Variants in MYO15A observed in about 807,000 individuals in gnomAD.
MYO15A encodes the protein myosin XVA.
In MYO15A, 308 loss-of-function variants were observed where a neutral mutation model predicts 394.6. The ratio of observed to expected loss-of-function variants is 0.78; its 90% CI spans 0.71 to 0.86. The LOEUF (loss-of-function observed/expected upper bound fraction) is 0.86, where lower values mean the gene tolerates loss of function less well. Ranked by LOEUF, MYO15A falls within the 40% of genes least tolerant of loss-of-function variation. MYO15A has a pLI of 0.00. For missense variants in MYO15A, 4,606 were observed against 4,799.1 expected (o/e 0.96, Z 1.19); for synonymous variants, 1,957 against 2,003.8 (o/e 0.98, Z 0.62).
rs755255324 is a variant in MYO15A at position 18,159,271 on chromosome 17, A to G, written c.9157-4A>G. On this transcript the variant is annotated splice_region_variant and splice_polypyrimidine_tract_variant and intron_variant, in intron 53 of 65. Coordinates refer to ENST00000647165, the MANE Select transcript of MYO15A (RefSeq NM_016239.4). ...CATCATGACACAGCCCTCTTCCCCC[A>G]CAGACTCCCCTCCAGGAATCCCTCA... The G allele has an allele frequency of 6.2e-7, 1 of 1,613,832 alleles. No individual in the cohort carries two copies. The highest frequency in any genetic ancestry group is 8.5e-7 in the Non-Finnish European group (1 of 1,179,950).
intron 24 of MYO15A, 34 bp downstream of exon 24, chr17:18,142,288 C>A (rs377623749): frequency 3.1e-6 from 5 of 1,602,616 alleles, no homozygotes; most frequent in Non-Finnish European, 4.3e-6. Context: ...TCCTAGGAGA[C>A]CTATGGTCAG....
chr17:18,146,100 C>T lies in MYO15A; in HGVS notation c.6502C>T (p.Leu2168Phe), dbSNP rs2046475800. 6.2e-7 allele frequency: 1 copy of T among 1,613,840 alleles called. No homozygotes were observed. The highest frequency in any genetic ancestry group is 2.2e-5 in the East Asian group (1 of 44,882). The part of the protein sequence containing the change: ...FAPSPCFNKY[L>F]LKFVSDYGRN... ...ACCTTCCCCGTGCTTCAACAAGTAC[C>T]TTCTCAAGTGAGTGGGACTGGATAG... Residue 2168 changes from leucine (L) to phenylalanine (F), a missense_variant, in exon 30 of 66, where the codon CTT becomes TTT. Physicochemically the swap from Leu to Phe is conservative, Grantham distance 22. Transcript: ENST00000647165.
chr17:18,170,611 T>C (rs1375013332), intron 62 of MYO15A, among the ~76,000 whole-genome samples: 2 of 151,946 alleles, frequency 1.3e-5, no homozygotes, highest in Non-Finnish European at 2.9e-5. Context: ...CCTCCCTCCT[T>C]AGCCTCCCAA....
At chr17:18,133,458 T>C in intron 12 of MYO15A, 72 bp downstream of exon 12, 1 of 1,580,824 alleles carries the variant, frequency 6.3e-7, no homozygotes, top group Non-Finnish European at 8.6e-7. Flanking sequence ...AGGCCTTCTC[T>C]GTTTCCCTTT....
At chr17:18,155,994 A>G (rs2046668218) in intron 47 of MYO15A, 2 of 697,386 alleles carry the variant, frequency 2.9e-6, no homozygotes, top group South Asian at 3.5e-5. Context: ...TGTCAGCCCA[A>G]AGGGTGGTAG....
chr17:18,158,575 T>G lies in MYO15A; in HGVS notation c.9020T>G (p.Leu3007Arg). The G allele has an allele frequency of 6.2e-7, 1 of 1,614,098 alleles. No individual in the cohort carries two copies. ...GACCATGGGGAGGACGCCCTGGCGCTCCCACCCTACACAATGCTCGAGTTT... is the reference window on the plus strand; with the variant it reads ...GACCATGGGGAGGACGCCCTGGCGCGCCCACCCTACACAATGCTCGAGTTT... Reference protein sequence around the residue: ...SADHGEDALALPPYTMLEFAQ... With the variant: ...SADHGEDALARPPYTMLEFAQ... The change falls in exon 52 of 66, where the codon CTC (leucine) becomes CGC (arginine). Residue 3007 changes from leucine (L) to arginine (R), a missense_variant. This residue lies in a region of MYO15A where 2,776 missense variants were observed against 3,109.3 expected (regional missense o/e 0.89). Coordinates refer to ENST00000647165, the MANE Select transcript of MYO15A (RefSeq NM_016239.4).
In MYO15A at chr17:18,136,605, G is replaced by C; in HGVS notation, c.4698G>C (p.Trp1566Cys). The C allele has an allele frequency of 6.2e-7, 1 of 1,613,916 alleles. No individual in the cohort carries two copies. Among genetic ancestry groups the C allele is most frequent in the Non-Finnish European group, 8.5e-7 (1 of 1,180,034 alleles). The change falls in exon 15 of 66, where the codon TGG (tryptophan) becomes TGC (cysteine). Residue 1566 changes from tryptophan (W) to cysteine (C), a missense_variant. Around this residue, in one of 2 missense-constraint regions of MYO15A, gnomAD observed 2,776 missense variants for 3,109.3 expected, o/e 0.89. Coordinates refer to ENST00000647165, the MANE Select transcript of MYO15A (RefSeq NM_016239.4). ...TCTTGTATGCACTGCTGTTCAGCTG[G>C]CTCATCACCAGGGTCAACGCGCTGG... Reference protein sequence around the residue: ...AKVLYALLFSWLITRVNALVS... With the variant: ...AKVLYALLFSCLITRVNALVS...
At position 18,151,127 on chromosome 17, in the gene MYO15A, G is replaced by A; in HGVS notation, c.7491G>A (p.Glu2497=). ...SLPAEKPPAP[E]AQPTSVGTGP... is the part of the protein sequence containing the mutation. ...CTCCACAGAAACCCCCAGCACCAGA[G>A]GCACAGCCGACGTCTGTAGGCACCG... The change falls in exon 39 of 66, where the codon GAG becomes GAA. Residue 2497 remains glutamate, a synonymous_variant. Coordinates refer to ENST00000647165, the MANE Select transcript of MYO15A (RefSeq NM_016239.4). 6.2e-7 allele frequency: 1 copy of A among 1,613,994 alleles called. No individual in the cohort carries two copies. The highest frequency in any genetic ancestry group is 8.5e-7 in the Non-Finnish European group (1 of 1,180,014).
At chr17:18,137,529 A>G (rs1174929383) in intron 15 of MYO15A, 55 bp from the exon 16 acceptor site, 1 of 1,560,848 alleles carries the variant, frequency 6.4e-7, no homozygotes, top group Non-Finnish European at 8.8e-7. Context: ...AGGTAGGGGC[A>G]AACAGGCTGG....
chr17:18,155,370 C>T lies in MYO15A; in HGVS notation c.8397C>T (p.Leu2799=). 3 of 1,613,788 alleles carry T rather than the reference C, an allele frequency of 1.9e-6. No individual in the cohort carries two copies. Among genetic ancestry groups the T allele is most frequent in the Non-Finnish European group, 2.5e-6 (3 of 1,180,024 alleles). ...LLAVSHVGIK[L]LRMVKGGQEA... is the part of the protein sequence containing the mutation. Reference sequence around the variant, plus strand: ...CTGTGTCCCACGTGGGCATCAAACTCCTGAGGATGGTCAAGGGTGGCCAGG... The same window carrying T: ...CTGTGTCCCACGTGGGCATCAAACTTCTGAGGATGGTCAAGGGTGGCCAGG... The change falls in exon 47 of 66, where the codon CTC becomes CTT. Residue 2799 remains leucine (L), a synonymous_variant. Transcript: ENST00000647165.
intron 1 of MYO15A, among the ~76,000 whole-genome samples, chr17:18,115,600 A>G (rs905489438): frequency 5.3e-5 from 8 of 151,974 alleles, no homozygotes; most frequent in Non-Finnish European, 8.8e-5. Context: ...CCTGAGCAGC[A>G]CAGCGAGACT....
At chr17:18,174,900 G>T (rs1402178202) in intron 65 of MYO15A, among the ~76,000 whole-genome samples, 1 of 152,110 alleles carries the variant, frequency 6.6e-6, no homozygotes, top group Non-Finnish European at 1.5e-5. Context: ...GCCTCTGAGG[G>T]ACAGGACCAG....
chr17:18,151,757 TG>T, intron 40 of MYO15A, 88 bp from the exon 41 acceptor site: 1 of 1,303,956 alleles, frequency 7.7e-7, no homozygotes, highest in Non-Finnish European at 1.1e-6. Flanking sequence ...TAGGGGGTGG[TG>T]GAGGAGGAGG....
intron 62 of MYO15A, among the ~76,000 whole-genome samples, chr17:18,169,185 G>A (rs2046904375): frequency 1.3e-5 from 2 of 149,588 alleles, no homozygotes; most frequent in African/African-American, 2.5e-5. Context: ...AGTGGCTCAC[G>A]CCTGTAATCC....
Position 18,124,283 on chromosome 17 carries a change from T to G in MYO15A, c.3610-200T>G. ...AGGGCCTGCCTGGGCACTGAGGGTA[T>G]GCGTGTGTCTCATGTGTGAGGGTCG... On this transcript the variant is annotated intron_variant, in intron 2 of 65. Transcript: ENST00000647165. The G allele has an allele frequency of 6.2e-6, 4 of 649,168 alleles. No homozygotes were observed. The Admixed American group carries it at 8.4e-5, about 14-fold the overall frequency. The allele number at this position is 649,168 out of a possible 1,614,324, so 40.2% of individuals were successfully genotyped here. A position where few individuals can be genotyped will look rare whatever the true frequency, so the allele number is the denominator to read the frequency against.
At chr17:18,115,426 C>T (rs931805942) in intron 1 of MYO15A, among the ~76,000 whole-genome samples, 1 of 152,188 alleles carries the variant, frequency 6.6e-6, no homozygotes, top group Non-Finnish European at 1.5e-5. Context: ...CGAAACCAGC[C>T]TGGCCAACAT....
At chr17:18,141,929 C>T in intron 23 of MYO15A, 150 bp from the exon 24 acceptor site, 1 of 1,219,094 alleles carries the variant, frequency 8.2e-7, no homozygotes. Flanking sequence ...AGCATCCTCT[C>T]TTCAACCTCT....
chr17:18,157,606 C>A, intron 50 of MYO15A, 116 bp from the exon 51 acceptor site: 1 of 1,537,526 alleles, frequency 6.5e-7, no homozygotes, highest in Non-Finnish European at 8.7e-7. Context: ...GATGGCCTGG[C>A]CTGCCTCATA....
rs985720828 is a variant in MYO15A, at chr17:18,117,721, C to T, written c.-219-861C>T. On this transcript the variant is annotated intron_variant, in intron 1 of 65. Transcript: ENST00000647165. This position sits in a 1 kb window ranked among gnomAD's most constrained non-coding sequence, Gnocchi z 4.1. Reference sequence around the variant, plus strand: ...AGACTTTGGACATGCAGCCTTAGGTCAGGCCATATGAAGCAATCAGCTATG... The same window carrying T: ...AGACTTTGGACATGCAGCCTTAGGTTAGGCCATATGAAGCAATCAGCTATG... 1.3e-5 allele frequency among the ~76,000 whole-genome samples: 2 copies of T among 152,178 alleles called. No individual in the cohort carries two copies. The highest frequency in any genetic ancestry group is 4.8e-5 in the African/African-American group (2 of 41,440).
Sources: gnomAD v4.1 joint callset for allele counts (sites outside exome capture counted in the v4.1 genomes callset) on GRCh38, gnomAD v4.1.1 for gene constraint, gnomAD v4.1.1 regional missense constraint, Gnocchi (gnomAD v3.1) non-coding constraint, MANE v1.5 for transcripts, NCBI Gene and HGNC (gene_info 2026-07-23, HGNC 2026-07-21) for gene names.